The following MEIS2 variants were observed in gnomAD, a reference collection of about 807,000 sequenced individuals.
MEIS2 encodes the protein Meis homeobox 2, also known as homeobox protein Meis2.
Under a neutral mutation model 58.6 loss-of-function variants are expected in MEIS2, and 9 were observed. That is an observed-to-expected ratio of 0.15 (90% CI 0.09 to 0.27). MEIS2 has a LOEUF of 0.27. Ranked by LOEUF, MEIS2 falls within the 10% of genes least tolerant of loss-of-function variation. The pLI is 1.00. For missense variants in MEIS2, 427 were observed against 635.0 expected (o/e 0.67, Z 3.52); for synonymous variants, 221 against 228.4 (o/e 0.97, Z 0.29).
chr15:37,099,771 T>G lies in MEIS2; in HGVS notation c.-305A>C. On this transcript the variant is annotated 5_prime_UTR_variant, in exon 1 of 12. Transcript: ENST00000561208. ...CCTCCTCCTCCTCTTCGGTCCTCCTTTCCCCCTCTTTCTCTTCTCTTCCCC... is the reference window on the plus strand; with the variant it reads ...CCTCCTCCTCCTCTTCGGTCCTCCTGTCCCCCTCTTTCTCTTCTCTTCCCC... 4 of 319,586 alleles carry G rather than the reference T, an allele frequency of 1.3e-5. No individual in the cohort carries two copies. The highest frequency in any genetic ancestry group is 5.3e-5 in the East Asian group (1 of 18,938). The allele number at this position is 319,586 out of a possible 1,614,324, so 19.8% of individuals were successfully genotyped here.
chr15:36,994,540 T>G (rs2060408778), intron 8 of MEIS2, among the ~76,000 whole-genome samples: 1 of 152,184 alleles, frequency 6.6e-6, no homozygotes, highest in Admixed American at 6.5e-5. Context: ...TACAAACATG[T>G]TTTTTACTCC....
intron 9 of MEIS2, among the ~76,000 whole-genome samples, chr15:36,908,015 A>G (rs966621201): frequency 2.0e-5 from 3 of 152,212 alleles, no homozygotes; most frequent in African/African-American, 7.2e-5. Flanking sequence ...CAATAGCTTT[A>G]AAAATTATTA....
chr15:37,099,785 C>T lies in MEIS2; in HGVS notation c.-319G>A, dbSNP rs1391079891. 3.2e-6 allele frequency: 1 copy of T among 313,486 alleles called. No homozygotes were observed. The highest frequency in any genetic ancestry group is 5.6e-6 in the Non-Finnish European group (1 of 177,188). 19.4% of individuals were successfully genotyped at this position (313,486 alleles called of 1,614,324 possible). A position where few individuals can be genotyped will look rare whatever the true frequency, so the allele number is the denominator to read the frequency against. ...TCGGTCCTCCTTTCCCCCTCTTTCT[C>T]TTCTCTTCCCCTCAGTTGGAAAAAA... On this transcript the variant is annotated 5_prime_UTR_variant, in exon 1 of 12. Coordinates refer to ENST00000561208, the MANE Select transcript of MEIS2 (RefSeq NM_170675.5).
chr15:36,914,415 C>A (rs913834917), intron 9 of MEIS2, among the ~76,000 whole-genome samples: 1 of 152,166 alleles, frequency 6.6e-6, no homozygotes, highest in Non-Finnish European at 1.5e-5. Context: ...TTAATTGCTA[C>A]GTGAAAGATT....
At chr15:36,957,339 A>G (rs989393093) in intron 8 of MEIS2, among the ~76,000 whole-genome samples, 3 of 152,242 alleles carry the variant, frequency 2.0e-5, no homozygotes, top group Non-Finnish European at 4.4e-5. Flanking sequence ...AAAGGCTGTG[A>G]TAATGAAAAA....
chr15:37,097,272 C>T (rs1894384002), intron 2 of MEIS2: 1 of 152,284 alleles, frequency 6.6e-6, no homozygotes, highest in African/African-American at 2.4e-5. Context: ...CCCACCTACC[C>T]TCAGCCGGAA....
chr15:37,037,821 G>C (rs2062227185), intron 7 of MEIS2, among the ~76,000 whole-genome samples: 1 of 152,136 alleles, frequency 6.6e-6, no homozygotes, highest in South Asian at 2.1e-4. Flanking sequence ...TTTTGGGAAG[G>C]CATCAATCAA....
chr15:37,004,718 G>A (rs2060855032), intron 8 of MEIS2, among the ~76,000 whole-genome samples: 1 of 152,164 alleles, frequency 6.6e-6, no homozygotes, highest in Admixed American at 6.5e-5. Context: ...AGCCCAGCAG[G>A]ATCCCTTGCA....
chr15:37,055,159 A>G (rs1312026581), intron 7 of MEIS2, among the ~76,000 whole-genome samples: 1 of 152,224 alleles, frequency 6.6e-6, no homozygotes, highest in Non-Finnish European at 1.5e-5. Context: ...CCATCTGTCC[A>G]GAATTTCCCA....
At chr15:36,932,864 G>C (rs2058032998) in intron 9 of MEIS2, among the ~76,000 whole-genome samples, 1 of 152,138 alleles carries the variant, frequency 6.6e-6, no homozygotes. Flanking sequence ...AAAAGTGATG[G>C]ACAAAGGAAT....
intron 9 of MEIS2, among the ~76,000 whole-genome samples, chr15:36,932,673 C>T (rs79512691): frequency 0.016 from 2,433 of 152,004 alleles, 66 homozygotes; most frequent in African/African-American, 0.056. Context: ...TGTGTGTGCA[C>T]GTGTGTGTCT....
chr15:36,998,956 T>C (rs1386686482), intron 8 of MEIS2, among the ~76,000 whole-genome samples: 1 of 152,254 alleles, frequency 6.6e-6, no homozygotes, highest in Non-Finnish European at 1.5e-5. Context: ...CTTGCCATTC[T>C]TCTGTGCTCT....
intron 8 of MEIS2, among the ~76,000 whole-genome samples, chr15:37,028,308 C>A (rs1400982995): frequency 6.6e-6 from 1 of 152,180 alleles, no homozygotes; most frequent in Admixed American, 6.5e-5. Context: ...GGCAACTTTA[C>A]CACAATGTCA....
intron 6 of MEIS2, among the ~76,000 whole-genome samples, chr15:37,093,327 T>G (rs1209676201): frequency 6.6e-6 from 1 of 152,154 alleles, no homozygotes; most frequent in African/African-American, 2.4e-5. Context: ...TCCAGAAAAC[T>G]TTACACATTA....
At chr15:37,053,147 A>C (rs11858047) in intron 7 of MEIS2, among the ~76,000 whole-genome samples, 1 of 152,080 alleles carries the variant, frequency 6.6e-6, no homozygotes, top group Admixed American at 6.5e-5. Context: ...TACCTGTGGT[A>C]AACCAGCCTA....
intron 9 of MEIS2, among the ~76,000 whole-genome samples, chr15:36,938,223 G>A (rs919271092): frequency 5.3e-5 from 8 of 152,060 alleles, no homozygotes; most frequent in African/African-American, 1.9e-4. Flanking sequence ...GAGCTCATCT[G>A]CTCCCAGGAC....
At position 37,099,682 on chromosome 15, in the gene MEIS2, TC is replaced by T. The variant is rs1894865213; in HGVS notation, c.-217del. On this transcript the variant is annotated 5_prime_UTR_variant, in exon 1 of 12. Coordinates refer to ENST00000561208, the MANE Select transcript of MEIS2 (RefSeq NM_170675.5). The stretch of plus-strand genomic sequence containing the variant: ...TGATATTTCTTCTTTTTCTCTTTTT[TC>T]CTCTTCTTCCTCCTCCTCCTGATCT... The T allele has an allele frequency of 3.7e-6, 2 of 539,524 alleles. No homozygotes were observed. Among genetic ancestry groups the T allele is most frequent in the African/African-American group, 1.9e-5 (1 of 51,770 alleles). 33.4% of individuals were successfully genotyped at this position (539,524 alleles called of 1,614,324 possible). A position where few individuals can be genotyped will look rare whatever the true frequency, so the allele number is the denominator to read the frequency against.
At chr15:37,017,824 C>T (rs897298039) in intron 8 of MEIS2, among the ~76,000 whole-genome samples, 1 of 152,082 alleles carries the variant, frequency 6.6e-6, no homozygotes, top group Non-Finnish European at 1.5e-5. Context: ...TGTGTTCCGT[C>T]AAGCAAAATG....
intron 7 of MEIS2, among the ~76,000 whole-genome samples, chr15:37,049,551 AT>A (rs2062821043): frequency 6.6e-6 from 1 of 151,858 alleles, no homozygotes. Context: ...TAGTGGCTCA[AT>A]CTCGGCTCAT....
Sources: gnomAD v4.1 joint callset for allele counts (sites outside exome capture counted in the v4.1 genomes callset) on GRCh38, gnomAD v4.1.1 for gene constraint, MANE v1.5 for transcripts, NCBI Gene and HGNC (gene_info 2026-07-23, HGNC 2026-07-21) for gene names.